Variants in FHIT observed in about 807,000 individuals in gnomAD.
FHIT encodes the protein fragile histidine triad diadenosine triphosphatase, also known as bis(5'-adenosyl)-triphosphatase.
Under a neutral mutation model 17.9 loss-of-function variants are expected in FHIT, and 19 were observed. The ratio of observed to expected loss-of-function variants is 1.06; its 90% confidence interval spans 0.74 to 1.56. The LOEUF (loss-of-function observed/expected upper bound fraction) is 1.56, where lower values mean the gene tolerates loss of function less well. FHIT is among the 40% of genes most tolerant of loss of function. The probability of loss-of-function intolerance (pLI) is 0.00; values close to 1 mark genes in which losing one functional copy is unlikely to be tolerated. For missense variants in FHIT, 248 were observed against 189.2 expected (o/e 1.31, Z -1.82); for synonymous variants, 81 against 69.7 (o/e 1.16, Z -0.81).
rs115547906 is a variant in FHIT at position 60,426,596 on chromosome 3, C to G, written c.103+110264G>C. On this transcript the variant is annotated intron_variant, in intron 5 of 9. Transcript: ENST00000492590. ...CCTGACTCCAACCCCTACCATTCTA[C>G]AGAAAGCACTACAAAAACCCTAAAA... Among the ~76,000 whole-genome samples the G allele has an allele frequency of 5.7e-3, 866 of 152,210 alleles. 5 individuals are homozygous for G. Among genetic ancestry groups the G allele is most frequent in the Non-Finnish European group, 9.4e-3 (642 of 67,998 alleles).
At chr3:60,877,429 T>C (rs1296487720) in intron 3 of FHIT, among the ~76,000 whole-genome samples, 5 of 152,106 alleles carry the variant, frequency 3.3e-5, no homozygotes, top group Admixed American at 2.6e-4. Context: ...AAGCAATACA[T>C]TCCCTCCTGG....
intron 4 of FHIT, among the ~76,000 whole-genome samples, chr3:60,580,435 T>G (rs2037714832): frequency 6.6e-6 from 1 of 152,146 alleles, no homozygotes; most frequent in African/African-American, 2.4e-5. Flanking sequence ...TGATAGGAAT[T>G]ACTACTAGAC....
At chr3:59,927,923 C>G (rs904144261) in intron 7 of FHIT, among the ~76,000 whole-genome samples, 1 of 152,244 alleles carries the variant, frequency 6.6e-6, no homozygotes, top group African/African-American at 2.4e-5. Flanking sequence ...TCTTTGAACA[C>G]ATCTCTTCTG....
intron 5 of FHIT, among the ~76,000 whole-genome samples, chr3:60,202,887 C>G (rs910541767): frequency 4.6e-5 from 7 of 152,190 alleles, no homozygotes; most frequent in Middle Eastern, 3.4e-3. Context: ...TAGCATCAGT[C>G]AGAAAGCTAC....
At chr3:60,767,076 A>G (rs1699881681) in intron 4 of FHIT, among the ~76,000 whole-genome samples, 1 of 152,228 alleles carries the variant, frequency 6.6e-6, no homozygotes, top group African/African-American at 2.4e-5. Context: ...TTTGGCTTGC[A>G]AAACTTACGT....
At chr3:61,195,507 T>C (rs879833095) in intron 2 of FHIT, among the ~76,000 whole-genome samples, 5 of 152,196 alleles carry the variant, frequency 3.3e-5, no homozygotes, top group Admixed American at 1.3e-4. Flanking sequence ...ACGGTAATGA[T>C]AGGATATGGA....
intron 8 of FHIT, among the ~76,000 whole-genome samples, chr3:59,828,325 C>T (rs1701045161): frequency 6.6e-6 from 1 of 152,152 alleles, no homozygotes; most frequent in Non-Finnish European, 1.5e-5. Context: ...TTGGCATGTA[C>T]CTACTAAGTA....
At chr3:59,980,456 T>C (rs986514659) in intron 7 of FHIT, among the ~76,000 whole-genome samples, 1 of 152,224 alleles carries the variant, frequency 6.6e-6, no homozygotes, top group African/African-American at 2.4e-5. Flanking sequence ...TAGGTTGTTA[T>C]AATTAGCCCT....
intron 4 of FHIT, among the ~76,000 whole-genome samples, chr3:60,589,423 A>G (rs2038010321): frequency 1.3e-5 from 2 of 152,058 alleles, no homozygotes; most frequent in East Asian, 1.9e-4. Context: ...TCCCAGAATA[A>G]CATATCCTGG....
At chr3:61,124,258 G>A (rs2036545754) in intron 2 of FHIT, among the ~76,000 whole-genome samples, 1 of 152,156 alleles carries the variant, frequency 6.6e-6, no homozygotes, top group African/African-American at 2.4e-5. Context: ...CATGAGTTCA[G>A]TATTAAGAAA....
In FHIT at chr3:60,407,917, T is replaced by C. The variant is rs1701931904; in HGVS notation, c.103+128943A>G. ...GATGAACTGTTGAACCCTAATAAAA[T>C]GAAGAGTATCACACAACCATTACTG... is the stretch of plus-strand genomic sequence containing the variant. On this transcript the variant is annotated intron_variant, in intron 5 of 9. Transcript: ENST00000492590. Among the ~76,000 whole-genome samples, 3 of 152,238 alleles carry C rather than the reference T, an allele frequency of 2.0e-5. No individual in the cohort carries two copies. In the South Asian group the frequency reaches 6.2e-4, roughly 32 times the overall value.
chr3:59,784,773 C>A (rs1702761209), intron 8 of FHIT, among the ~76,000 whole-genome samples: 1 of 152,192 alleles, frequency 6.6e-6, no homozygotes, highest in African/African-American at 2.4e-5. Flanking sequence ...AAGCCTCAGG[C>A]TCCAACATAG....
At chr3:60,138,999 A>G (rs1699926309) in intron 5 of FHIT, among the ~76,000 whole-genome samples, 1 of 152,172 alleles carries the variant, frequency 6.6e-6, no homozygotes, top group South Asian at 2.1e-4. Flanking sequence ...AGGTACTGAA[A>G]GATGAGTGCC....
At chr3:60,364,877 C>T (rs1441302901) in intron 5 of FHIT, among the ~76,000 whole-genome samples, 2 of 152,082 alleles carry the variant, frequency 1.3e-5, no homozygotes, top group African/African-American at 4.8e-5. Flanking sequence ...CCTTCTCCTG[C>T]TTTTGGACAC....
intron 5 of FHIT, among the ~76,000 whole-genome samples, chr3:60,078,125 G>A (rs1703114260): frequency 6.6e-6 from 1 of 152,000 alleles, no homozygotes. Flanking sequence ...ATCAGTAGTA[G>A]TGAATGCAAA....
chr3:60,517,819 A>G (rs2035217703), intron 5 of FHIT, among the ~76,000 whole-genome samples: 1 of 152,194 alleles, frequency 6.6e-6, no homozygotes, highest in Admixed American at 6.5e-5. Context: ...AGACCAACTT[A>G]GGAGTTCTGT....
intron 5 of FHIT, among the ~76,000 whole-genome samples, chr3:60,014,501 C>T (rs781427969): frequency 9.9e-5 from 15 of 152,160 alleles, no homozygotes; most frequent in East Asian, 3.9e-4. Flanking sequence ...AAGCTGTGTC[C>T]GCTTCAGCAG....
At chr3:60,417,116 A>G (rs1702280366) in intron 5 of FHIT, among the ~76,000 whole-genome samples, 1 of 151,870 alleles carries the variant, frequency 6.6e-6, no homozygotes, top group Non-Finnish European at 1.5e-5. Flanking sequence ...AAAAAATTTG[A>G]GAACAACTAT....
intron 4 of FHIT, among the ~76,000 whole-genome samples, chr3:60,754,327 G>A (rs1183278970): frequency 6.6e-6 from 1 of 152,176 alleles, no homozygotes; most frequent in Admixed American, 6.5e-5. Context: ...GCTTTTCAGA[G>A]ATATCATCTT....
Sources: allele counts gnomAD v4.1 joint callset (sites outside exome capture counted in the v4.1 genomes callset), GRCh38; gene constraint gnomAD v4.1.1; transcripts MANE v1.5; gene names NCBI Gene and HGNC (gene_info 2026-07-23, HGNC 2026-07-21).